Variants in RSPO2 observed in about 807,000 individuals in gnomAD.
RSPO2 encodes the protein R-spondin-2.
RSPO2 carries 14 observed loss-of-function variants against 30.9 expected under a neutral mutation model. The ratio of observed to expected loss-of-function variants is 0.45; its 90% CI spans 0.30 to 0.71. RSPO2 has a LOEUF of 0.71. Among genes scored for constraint, RSPO2 ranks in the 30% least tolerant of loss-of-function variants. The pLI, the probability that RSPO2 is intolerant of heterozygous loss-of-function variation, is 0.08. For synonymous variants in RSPO2, 107 were observed against 96.4 expected (o/e 1.11, Z -0.64); for missense variants, 264 against 301.9 (o/e 0.87, Z 0.93).
intron 2 of RSPO2, among the ~76,000 whole-genome samples, chr8:108,036,074 T>C (rs1235521222): frequency 6.6e-6 from 1 of 152,228 alleles, no homozygotes; most frequent in Non-Finnish European, 1.5e-5. Flanking sequence ...TTTGAAAATT[T>C]GGTAGAATTA....
At chr8:108,080,843 G>C (rs2130740641) in intron 2 of RSPO2, among the ~76,000 whole-genome samples, 1 of 152,274 alleles carries the variant, frequency 6.6e-6, no homozygotes, top group African/African-American at 2.4e-5. Context: ...GTAGACTGCA[G>C]CTTTGACTTA....
chr8:108,058,739 C>A (rs1812344378), intron 2 of RSPO2, among the ~76,000 whole-genome samples: 1 of 151,792 alleles, frequency 6.6e-6, no homozygotes, highest in Admixed American at 6.6e-5. Context: ...GAAAAACAAG[C>A]AATGGGGAAA....
chr8:107,951,190 G>A (rs1056648172), intron 5 of RSPO2, among the ~76,000 whole-genome samples: 2 of 151,822 alleles, frequency 1.3e-5, no homozygotes, highest in African/African-American at 2.4e-5. Flanking sequence ...CAAGTAGCTG[G>A]GATCACAGGC....
chr8:107,995,052 A>T (rs1814969184), intron 2 of RSPO2, among the ~76,000 whole-genome samples: 1 of 152,158 alleles, frequency 6.6e-6, no homozygotes, highest in Non-Finnish European at 1.5e-5. Flanking sequence ...AAAGGGACCA[A>T]ACAAGAAACA....
chr8:108,081,545 C>G (rs1813197850), intron 2 of RSPO2, among the ~76,000 whole-genome samples: 1 of 152,180 alleles, frequency 6.6e-6, no homozygotes, highest in Non-Finnish European at 1.5e-5. Flanking sequence ...ATTCGATGTG[C>G]GTGTGGTGAG....
chr8:108,010,510 C>A (rs1344603361), intron 2 of RSPO2, among the ~76,000 whole-genome samples: 2 of 152,074 alleles, frequency 1.3e-5, no homozygotes, highest in African/African-American at 4.8e-5. Context: ...AGTAAGCCAT[C>A]CAAAATATCT....
intron 3 of RSPO2, among the ~76,000 whole-genome samples, chr8:107,974,456 G>A (rs1479291401): frequency 6.6e-6 from 1 of 152,240 alleles, no homozygotes; most frequent in Admixed American, 6.5e-5. Flanking sequence ...CGAGGCTACA[G>A]TGAGCTGAAA....
At chr8:107,967,876 G>A (rs950527777) in intron 3 of RSPO2, among the ~76,000 whole-genome samples, 15 of 152,162 alleles carry the variant, frequency 9.9e-5, no homozygotes, top group African/African-American at 3.4e-4. Flanking sequence ...TTGTGTGACT[G>A]TGGTCAAGTC....
intron 2 of RSPO2, among the ~76,000 whole-genome samples, chr8:108,030,887 A>G (rs559427660): frequency 1.1e-4 from 16 of 152,334 alleles, no homozygotes; most frequent in Admixed American, 3.3e-4. Flanking sequence ...AATAGGATAC[A>G]TTTTATCAAG....
At chr8:107,924,838 AC>A (rs1812304161) in intron 5 of RSPO2, among the ~76,000 whole-genome samples, 1 of 151,818 alleles carries the variant, frequency 6.6e-6, no homozygotes. Context: ...ACACACACAC[AC>A]ACACACACAC....
At chr8:107,935,197 A>G (rs764041787) in intron 5 of RSPO2, among the ~76,000 whole-genome samples, 21 of 152,136 alleles carry the variant, frequency 1.4e-4, no homozygotes, top group Non-Finnish European at 2.4e-4. Flanking sequence ...ATGCATTCCC[A>G]TGGGGAGATC....
rs371548022 is a variant in RSPO2, at chr8:108,074,024, A to C, written c.94+8521T>G. On this transcript the variant is annotated intron_variant, in intron 2 of 5. Coordinates refer to ENST00000276659, the MANE Select transcript of RSPO2 (RefSeq NM_178565.5). Reference sequence around the variant, plus strand: ...TGGACCTCTTTGAGACTTTAGTGAAAGCTCTATATCGTCCCTCTACACCAC... The same window carrying C: ...TGGACCTCTTTGAGACTTTAGTGAACGCTCTATATCGTCCCTCTACACCAC... 4.6e-5 allele frequency among the ~76,000 whole-genome samples: 7 copies of C among 152,274 alleles called. No homozygotes were observed. In the East Asian group the frequency reaches 1.2e-3, roughly 25 times the overall value.
chr8:108,036,024 AC>A (rs1452033103), intron 2 of RSPO2, among the ~76,000 whole-genome samples: 1 of 152,010 alleles, frequency 6.6e-6, no homozygotes, highest in African/African-American at 2.4e-5. Context: ...CAAGTATTAG[AC>A]AGCAACTTTT....
intron 2 of RSPO2, among the ~76,000 whole-genome samples, chr8:108,048,401 C>T (rs1029673272): frequency 2.6e-5 from 4 of 151,512 alleles, no homozygotes; most frequent in Non-Finnish European, 4.4e-5. Context: ...AAAGTAATCT[C>T]GTGATTCTTA....
intron 2 of RSPO2, among the ~76,000 whole-genome samples, chr8:108,029,690 C>CA (rs2130631294): frequency 6.6e-6 from 1 of 152,242 alleles, no homozygotes; most frequent in Non-Finnish European, 1.5e-5. Flanking sequence ...AAAGATGCAC[C>CA]AAACATTTTT....
At chr8:108,077,307 T>C (rs1288896111) in intron 2 of RSPO2, among the ~76,000 whole-genome samples, 1 of 151,626 alleles carries the variant, frequency 6.6e-6, no homozygotes, top group Non-Finnish European at 1.5e-5. Flanking sequence ...GCAGAAGAGA[T>C]TGGAAAGCAG....
Position 107,901,113 on chromosome 8 carries a change from G to C in RSPO2, c.694C>G (p.His232Asp). The change falls in exon 6 of 6, where the codon CAC becomes GAC. Residue 232 changes from histidine (H) to aspartate (D), a missense_variant. Coordinates refer to ENST00000276659, the MANE Select transcript of RSPO2 (RefSeq NM_178565.5). ...RKLIERAQEQ[H>D]SVFLATDRAN... is the part of the protein sequence containing the mutation. Reference sequence around the variant, plus strand: ...CTGTCTGTAGCTAGGAAGACGCTGTGTTGCTCCTGGGCCCTTTCTATCAGC... The same window carrying C: ...CTGTCTGTAGCTAGGAAGACGCTGTCTTGCTCCTGGGCCCTTTCTATCAGC... The C allele has an allele frequency of 6.2e-7, 1 of 1,614,148 alleles. No homozygotes were observed. Among genetic ancestry groups the C allele is most frequent in the Non-Finnish European group, 8.5e-7 (1 of 1,179,992 alleles).
intron 2 of RSPO2, among the ~76,000 whole-genome samples, chr8:108,052,027 T>C (rs1812094756): frequency 6.6e-6 from 1 of 152,168 alleles, no homozygotes; most frequent in South Asian, 2.1e-4. Context: ...TGATAATAAC[T>C]ATGAAAACAT....
intron 2 of RSPO2, among the ~76,000 whole-genome samples, chr8:107,999,280 G>T (rs962424414): frequency 6.6e-6 from 1 of 151,886 alleles, no homozygotes; most frequent in East Asian, 1.9e-4. Context: ...TTGGGAAAAT[G>T]GTATTTCTAA....
Sources: gnomAD v4.1 joint callset for allele counts (sites outside exome capture counted in the v4.1 genomes callset) on GRCh38, gnomAD v4.1.1 for gene constraint, MANE v1.5 for transcripts, NCBI Gene and HGNC (gene_info 2026-07-23, HGNC 2026-07-21) for gene names.